Variants in WIPI1 observed in about 807,000 individuals in gnomAD.
The protein encoded by WIPI1 is WD repeat domain, phosphoinositide interacting 1, also known as WD repeat domain phosphoinositide-interacting protein 1.
A neutral mutation model predicts 55.3 loss-of-function variants in WIPI1; 45 were observed. The ratio of observed to expected loss-of-function variants is 0.81; its 90% CI spans 0.64 to 1.04. The LOEUF is 1.04. WIPI1 is among the 50% of genes least tolerant of loss of function. WIPI1 has a pLI of 0.00. For synonymous variants in WIPI1, 195 were observed against 217.6 expected, an observed-to-expected ratio of 0.90 and a Z score of 0.92; for missense variants, 445 against 559.0, an observed-to-expected ratio of 0.80 and a Z score of 2.06.
chr17:68,445,104 G>A (rs540724017), intron 3 of WIPI1, among the ~76,000 whole-genome samples: 2 of 152,130 alleles, frequency 1.3e-5, no homozygotes, highest in South Asian at 4.2e-4. Flanking sequence ...ATTTTTAGTA[G>A]AGACGGGGTT....
At chr17:68,438,929 T>G (rs989729791) in intron 4 of WIPI1, among the ~76,000 whole-genome samples, 1 of 152,160 alleles carries the variant, frequency 6.6e-6, no homozygotes, top group African/African-American at 2.4e-5. Flanking sequence ...AAGGCTGTGT[T>G]AAAAACACGA....
chr17:68,456,200 C>T (rs1015272191), intron 1 of WIPI1, among the ~76,000 whole-genome samples: 3 of 152,234 alleles, frequency 2.0e-5, no homozygotes, highest in African/African-American at 7.2e-5. Flanking sequence ...TGTAGAGCTA[C>T]TCGATTACAT....
chr17:68,428,844 A>T lies in WIPI1; in HGVS notation c.1058T>A (p.Leu353Ter). 5.6e-6 allele frequency: 9 copies of T among 1,613,698 alleles called. No individual in the cohort carries two copies. Among genetic ancestry groups the T allele is most frequent in the Non-Finnish European group, 6.8e-6 (8 of 1,179,644 alleles). ...LDPQDGGECV[L>*]IKTHSLLGSG... ...GTCTCTTCACCTGTGGGTTTTGATTAAGACACACTCTCCTCCATCCTGAGG... is the reference window on the plus strand; with the variant it reads ...GTCTCTTCACCTGTGGGTTTTGATTTAGACACACTCTCCTCCATCCTGAGG... Residue 353 changes from leucine to a stop codon, truncating the protein, a stop_gained, in exon 10 of 13, where the codon TTA (leucine) becomes TAA (stop). Coordinates refer to ENST00000262139, the MANE Select transcript of WIPI1 (RefSeq NM_017983.7). LOFTEE classifies it high-confidence loss of function.
Position 68,457,331 on chromosome 17 carries a change from TC to T in WIPI1, c.80+10del, listed in dbSNP as rs2084672184. 3 of 1,543,868 alleles carry T rather than the reference TC, an allele frequency of 1.9e-6. No individual in the cohort carries two copies. The highest frequency in any genetic ancestry group is 2.6e-6 in the Non-Finnish European group (3 of 1,144,072). On this transcript the variant is annotated intron_variant, in intron 1 of 12. Transcript: ENST00000262139. ...CCCCACCTCCCTGGCAGGGGCCGAG[TC>T]GCAGCTTACGTGCAGTCCTGGTTGA...
chr17:68,432,598 C>T (rs569282375), intron 8 of WIPI1, among the ~76,000 whole-genome samples: 2 of 151,968 alleles, frequency 1.3e-5, no homozygotes, highest in African/African-American at 2.4e-5. Flanking sequence ...CATGTATCAG[C>T]GTGATAAGGT....
chr17:68,426,254 G>GGGGGGGGGGGGGGGGGGGGT lies in WIPI1; in HGVS notation c.1193-80_1193-79insACCCCCCCCCCCCCCCCCCC. 3.7e-6 allele frequency: 3 copies of GGGGGGGGGGGGGGGGGGGGT among 816,924 alleles called. 1 individual carries two copies. Among genetic ancestry groups the GGGGGGGGGGGGGGGGGGGGT allele is most frequent in the Non-Finnish European group, 5.8e-6 (3 of 515,858 alleles). The allele number at this position is 816,924 out of a possible 1,614,324, so 50.6% of individuals were successfully genotyped here. The stretch of plus-strand genomic sequence containing the variant: ...ATGACCTGGCGGGTGGGGAGCGGGG[G>GGGGGGGGGGGGGGGGGGGGT]CTCAAATAAAGGGCAAAGGAAGCAA... On this transcript the variant is annotated intron_variant, in intron 11 of 12. Coordinates refer to ENST00000262139, the MANE Select transcript of WIPI1 (RefSeq NM_017983.7).
chr17:68,426,244 GGGA>G, intron 11 of WIPI1, 69 bp from the exon 12 acceptor site: 8 of 985,740 alleles, frequency 8.1e-6, no homozygotes, highest in Admixed American at 4.3e-5. Context: ...CTGGCGGGTG[GGGA>G]GCGGGGGCTC....
chr17:68,427,306 T>G, intron 10 of WIPI1, 53 bp from the exon 11 acceptor site: 5 of 1,334,938 alleles, frequency 3.7e-6, no homozygotes, highest in Non-Finnish European at 5.4e-6. Context: ...ATCATATATC[T>G]AGGACACCTT....
intron 3 of WIPI1, among the ~76,000 whole-genome samples, chr17:68,449,146 T>A (rs1048080314): frequency 1.3e-5 from 2 of 152,248 alleles, no homozygotes; most frequent in Non-Finnish European, 2.9e-5. Context: ...TTGTCCTCAA[T>A]GAATGCAGCA....
Position 68,427,214 on chromosome 17 carries a change from A to T in WIPI1, c.1113T>A (p.Asn371Lys). 6.2e-7 allele frequency: 1 copy of T among 1,614,164 alleles called. No individual in the cohort carries two copies. The highest frequency in any genetic ancestry group is 1.6e-4 in the Middle Eastern group (1 of 6,062). Residue 371 changes from asparagine to lysine, a missense_variant, in exon 11 of 13, where the codon AAT (asparagine) becomes AAA (lysine). Transcript: ENST00000262139. ...GSGTTEENKE[N>K]DLRPSLPQSY... ...ACTGAGGTAAGGAAGGTCTGAGGTCATTTTCTTTATTCTCTTCTGTTGTTC... is the reference window on the plus strand; with the variant it reads ...ACTGAGGTAAGGAAGGTCTGAGGTCTTTTTCTTTATTCTCTTCTGTTGTTC...
chr17:68,434,379 C>CA (rs2083683033), intron 7 of WIPI1, among the ~76,000 whole-genome samples, 177 bp downstream of exon 7: 1 of 152,212 alleles, frequency 6.6e-6, no homozygotes, highest in Non-Finnish European at 1.5e-5. Flanking sequence ...TCTCGGCTTT[C>CA]AGTTTTGCTG....
intron 9 of WIPI1, 26 bp from the exon 10 acceptor site, chr17:68,428,962 G>A (rs898722667): frequency 1.0e-5 from 16 of 1,573,222 alleles, no homozygotes; most frequent in South Asian, 2.2e-5. Flanking sequence ...AACATAAACC[G>A]TGATGACAAC....
At chr17:68,428,228 G>A (rs1327797845) in intron 10 of WIPI1, 1 of 135,968 alleles carries the variant, frequency 7.4e-6, no homozygotes, top group African/African-American at 2.7e-5. Flanking sequence ...CAGGGAATAG[G>A]TTTTTTTTTT....
chr17:68,429,909 T>A, intron 9 of WIPI1, 87 bp downstream of exon 9: 1 of 1,586,428 alleles, frequency 6.3e-7, no homozygotes, highest in African/African-American at 1.4e-5. Context: ...TTTCTTTTTT[T>A]CTTTTCAGGT....
chr17:68,444,405 C>A lies in WIPI1; in HGVS notation c.430+88G>T, dbSNP rs756353509. 24 of 1,225,100 alleles carry A rather than the reference C, an allele frequency of 2.0e-5. No homozygotes were observed. In the East Asian group the frequency reaches 5.6e-4, roughly 29 times the overall value. The allele number at this position is 1,225,100 out of a possible 1,614,324, so 75.9% of individuals were successfully genotyped here. A position where few individuals can be genotyped will look rare whatever the true frequency, so the allele number is the denominator to read the frequency against. ...GACTCAAAAAGCAAACACTGCTTCA[C>A]GTTCGCAATTTGGAGGAAAATAAAG... On this transcript the variant is annotated intron_variant, in intron 4 of 12. Coordinates refer to ENST00000262139, the MANE Select transcript of WIPI1 (RefSeq NM_017983.7).
Position 68,436,993 on chromosome 17 carries a change from C to CA in WIPI1, c.431-515dup, listed in dbSNP as rs139267277. Among the ~76,000 whole-genome samples, 110 of 124,748 alleles carry CA rather than the reference C, an allele frequency of 8.8e-4. 1 individual carries two copies. The highest frequency in any genetic ancestry group is 8.0e-3 in the East Asian group (30 of 3,736). The allele number at this position is 124,748 out of a possible 152,430, so 81.8% of individuals were successfully genotyped here. A position where few individuals can be genotyped will look rare whatever the true frequency, so the allele number is the denominator to read the frequency against. The stretch of plus-strand genomic sequence containing the variant: ...TGGGCTACAGAGTGAGACCCCGTCT[C>CA]AAAAAAAAAAAAATATATATATATG... On this transcript the variant is annotated intron_variant, in intron 4 of 12. Transcript: ENST00000262139.
rs772666743 is a variant in WIPI1 at position 68,452,956 on chromosome 17, C to G, written c.117G>C (p.Leu39=). ...GCTGCTCCACAGAACTCAGAGAAAACAGCTTATACCCGGCTTTAGTTCCAG... is the reference window on the plus strand; with the variant it reads ...GCTGCTCCACAGAACTCAGAGAAAAGAGCTTATACCCGGCTTTAGTTCCAG... ...LATGTKAGYK[L]FSLSSVEQLD... is the part of the protein sequence containing the mutation. Residue 39 remains leucine (L), a synonymous_variant, in exon 2 of 13, where the codon CTG becomes CTC. Coordinates refer to ENST00000262139, the MANE Select transcript of WIPI1 (RefSeq NM_017983.7). 6.2e-7 allele frequency: 1 copy of G among 1,614,114 alleles called. No individual in the cohort carries two copies. Among genetic ancestry groups the G allele is most frequent in the Non-Finnish European group, 8.5e-7 (1 of 1,180,004 alleles).
At chr17:68,438,937 C>T (rs761727015) in intron 4 of WIPI1, among the ~76,000 whole-genome samples, 13 of 152,094 alleles carry the variant, frequency 8.5e-5, no homozygotes, top group African/African-American at 1.2e-4. Flanking sequence ...GTTAAAAACA[C>T]GATGAGATAC....
In WIPI1 at chr17:68,444,518, G is replaced by C; in HGVS notation, c.405C>G (p.Leu135=). Residue 135 remains leucine (L), a synonymous_variant, in exon 4 of 13, where the codon CTC becomes CTG. Transcript: ENST00000262139. ...CTGTTGGGTTTGCAGGAATATCCAG[G>C]AGGGTCTTCAACAGCTTCATGTCTT... ...NIKDMKLLKT[L]LDIPANPTGL... 1 of 1,614,000 alleles carries C rather than the reference G, an allele frequency of 6.2e-7. No homozygotes were observed. The highest frequency in any genetic ancestry group is 8.5e-7 in the Non-Finnish European group (1 of 1,179,994).
Sources: allele counts gnomAD v4.1 joint callset (sites outside exome capture counted in the v4.1 genomes callset), GRCh38; gene constraint gnomAD v4.1.1; transcripts MANE v1.5; gene names NCBI Gene and HGNC (gene_info 2026-07-23, HGNC 2026-07-21).